TMC1: variants seen among roughly 807,000 people sequenced by gnomAD.
TMC1 encodes the protein transmembrane channel-like protein 1.
In TMC1, 84 loss-of-function variants were observed where a neutral mutation model predicts 105.8. The ratio of observed to expected loss-of-function variants is 0.79; its 90% CI spans 0.67 to 0.95. The LOEUF (loss-of-function observed/expected upper bound fraction) is 0.95. Ranked by LOEUF, TMC1 falls within the 40% of genes least tolerant of loss-of-function variation. TMC1 has a pLI of 0.00. For synonymous variants in TMC1, 315 were observed against 311.5 expected (o/e 1.01, Z -0.12); for missense variants, 817 against 914.1 (o/e 0.89, Z 1.37).
intron 8 of TMC1, among the ~76,000 whole-genome samples, chr9:72,723,727 A>G (rs946750558): frequency 6.6e-6 from 1 of 152,166 alleles, no homozygotes; most frequent in Admixed American, 6.5e-5. Flanking sequence ...CTCAATTGTT[A>G]GGGAAGTCAG....
intron 5 of TMC1, among the ~76,000 whole-genome samples, chr9:72,688,495 C>T (rs1826412167): frequency 6.6e-6 from 1 of 151,990 alleles, no homozygotes; most frequent in Non-Finnish European, 1.5e-5. Context: ...TTGCAAATCC[C>T]TGAAGATTAT....
At chr9:72,704,686 T>G (rs1238877162) in intron 8 of TMC1, among the ~76,000 whole-genome samples, 1 of 152,156 alleles carries the variant, frequency 6.6e-6, no homozygotes. Flanking sequence ...AAATTGTGAT[T>G]TTCATTCTAT....
At position 72,789,282 on chromosome 9, in the gene TMC1, G is replaced by A. The variant is rs185702148; in HGVS notation, c.1189G>A (p.Asp397Asn). ...GCGATCCCAGGAATTTGCACAGCAA[G>A]ATCCTGACACCCTTGGGTGGTGGGA... Reference protein sequence around the residue: ...VKRSQEFAQQDPDTLGWWEKN... With the variant: ...VKRSQEFAQQNPDTLGWWEKN... The change falls in exon 15 of 24, where the codon GAT becomes AAT. Residue 397 changes from aspartate to asparagine, a missense_variant. Asp to Asn is a conservative substitution (Grantham distance 23, BLOSUM62 1). Transcript: ENST00000297784. 2 of 1,614,052 alleles carry A rather than the reference G, an allele frequency of 1.2e-6. No homozygotes were observed. The highest frequency in any genetic ancestry group is 4.5e-5 in the East Asian group (2 of 44,880).
chr9:72,735,016 G>A (rs888164708), intron 8 of TMC1, among the ~76,000 whole-genome samples: 1 of 152,206 alleles, frequency 6.6e-6, no homozygotes, highest in African/African-American at 2.4e-5. Flanking sequence ...TCAACTAACT[G>A]TGAAAGCATT....
rs1171922829 is a variant in TMC1, at chr9:72,823,706, G to A, written c.2003+2625G>A. 3.3e-5 allele frequency among the ~76,000 whole-genome samples: 5 copies of A among 152,180 alleles called. No individual in the cohort carries two copies. In the East Asian group the frequency reaches 9.6e-4, roughly 29 times the overall value. On this transcript the variant is annotated intron_variant, in intron 20 of 23. Transcript: ENST00000297784. The stretch of plus-strand genomic sequence containing the variant: ...TTCTAATTGTTCTATAGCATTTCCT[G>A]ACACCTGATGTTTCCTCCCATCTAT...
chr9:72,816,231 C>G, intron 19 of TMC1, 21 bp downstream of exon 19: 1 of 1,610,262 alleles, frequency 6.2e-7, no homozygotes, highest in Non-Finnish European at 8.5e-7. Context: ...TGTTGGACAG[C>G]TTATCACTTA....
At chr9:72,633,205 G>A (rs1020524352) in intron 4 of TMC1, among the ~76,000 whole-genome samples, 3 of 152,150 alleles carry the variant, frequency 2.0e-5, no homozygotes, top group Non-Finnish European at 2.9e-5. Flanking sequence ...GTTGCTTAAA[G>A]GGAAAGCTTG....
At chr9:72,702,928 G>A (rs1000631688) in intron 8 of TMC1, among the ~76,000 whole-genome samples, 7 of 151,988 alleles carry the variant, frequency 4.6e-5, no homozygotes, top group Non-Finnish European at 1.0e-4. Context: ...CCCTTAGTAC[G>A]AAAGCAGACA....
chr9:72,640,935 G>A (rs11790779), intron 4 of TMC1, among the ~76,000 whole-genome samples: 4 of 151,738 alleles, frequency 2.6e-5, no homozygotes, highest in Admixed American at 6.6e-5. Flanking sequence ...CTGGCCTTTA[G>A]TTGAGATTTG....
intron 5 of TMC1, among the ~76,000 whole-genome samples, chr9:72,653,232 G>A (rs1258813194): frequency 1.3e-5 from 2 of 152,078 alleles, no homozygotes; most frequent in Non-Finnish European, 2.9e-5. Flanking sequence ...CATGTGTTTG[G>A]GGAAAGTACA....
intron 2 of TMC1, among the ~76,000 whole-genome samples, chr9:72,602,594 C>T (rs1331365472): frequency 2.0e-5 from 3 of 151,952 alleles, no homozygotes; most frequent in African/African-American, 2.4e-5. Context: ...ATGTGGATCT[C>T]GAGCTCCTGA....
intron 17 of TMC1, among the ~76,000 whole-genome samples, chr9:72,797,384 G>T (rs1234345102): frequency 6.6e-6 from 1 of 151,882 alleles, no homozygotes; most frequent in Non-Finnish European, 1.5e-5. Context: ...AATTCCTATG[G>T]AACCAAAAAA....
At chr9:72,540,741 G>A (rs1823661151) in intron 1 of TMC1, among the ~76,000 whole-genome samples, 1 of 152,108 alleles carries the variant, frequency 6.6e-6, no homozygotes, top group African/African-American at 2.4e-5. Flanking sequence ...CATGCAAGTG[G>A]CCACATGCTG....
chr9:72,743,578 AAAAGAAAG>A (rs1350418235), intron 10 of TMC1, among the ~76,000 whole-genome samples: 2 of 149,296 alleles, frequency 1.3e-5, no homozygotes, highest in Admixed American at 6.7e-5. Context: ...AAAAAAAAAA[AAAAGAAAG>A]AAAGAAAGAA....
At chr9:72,595,391 CACATAACATGGA>C (rs1278801237) in intron 2 of TMC1, among the ~76,000 whole-genome samples, 1 of 152,156 alleles carries the variant, frequency 6.6e-6, no homozygotes, top group African/African-American at 2.4e-5. Flanking sequence ...GTGGGGGAGT[CACATAACATGGA>C]ACATAATCAC....
At chr9:72,673,770 T>C (rs983625280) in intron 5 of TMC1, among the ~76,000 whole-genome samples, 14 of 152,208 alleles carry the variant, frequency 9.2e-5, no homozygotes, top group African/African-American at 2.9e-4. Flanking sequence ...GAAATTAAGT[T>C]GATAGTTAAA....
intron 18 of TMC1, among the ~76,000 whole-genome samples, chr9:72,812,631 A>G (rs1008496907): frequency 1.3e-5 from 2 of 152,176 alleles, no homozygotes; most frequent in African/African-American, 4.8e-5. Flanking sequence ...CTTTTCTGAC[A>G]AGTTCCCAGG....
chr9:72,760,655 C>A (rs1827741812), intron 12 of TMC1, among the ~76,000 whole-genome samples: 1 of 151,948 alleles, frequency 6.6e-6, no homozygotes. Flanking sequence ...CTTGGACAGA[C>A]TATATAGAGG....
intron 19 of TMC1, 70 bp downstream of exon 19, chr9:72,816,280 A>G: frequency 7.0e-7 from 1 of 1,431,626 alleles, no homozygotes; most frequent in East Asian, 2.3e-5. Flanking sequence ...TACAGCATTG[A>G]ATCCTGGTGT....
Sources: allele counts gnomAD v4.1 joint callset (sites outside exome capture counted in the v4.1 genomes callset), GRCh38; gene constraint gnomAD v4.1.1; transcripts MANE v1.5; gene names NCBI Gene and HGNC (gene_info 2026-07-23, HGNC 2026-07-21).